Variants in EPHA3 observed in about 807,000 individuals in gnomAD.
EPHA3 encodes ephrin type-A receptor 3.
A neutral mutation model predicts 107.1 loss-of-function variants in EPHA3; 42 were observed. That is an observed-to-expected ratio of 0.39 (90% CI 0.31 to 0.51). The LOEUF (loss-of-function observed/expected upper bound fraction) is 0.51. EPHA3 is among the 20% of genes least tolerant of loss of function. EPHA3 has a pLI of 0.78. For missense variants in EPHA3, 1,183 were observed against 1,211.2 expected (o/e 0.98, Z 0.35); for synonymous variants, 461 against 424.8 (o/e 1.09, Z -1.05).
chr3:89,468,375 A>G (rs1186137821), intron 15 of EPHA3, among the ~76,000 whole-genome samples: 1 of 152,084 alleles, frequency 6.6e-6, no homozygotes, highest in Non-Finnish European at 1.5e-5. Flanking sequence ...AATTTTCTCT[A>G]AACTCTTGTT....
At chr3:89,342,858 TACAC>T (rs144807058) in intron 5 of EPHA3, among the ~76,000 whole-genome samples, 3,965 of 139,268 alleles carry the variant, frequency 0.028, 77 homozygotes, top group African/African-American at 0.057. Flanking sequence ...TTTTTACACA[TACAC>T]ACACACACAC....
At chr3:89,225,784 A>G (rs533917444) in intron 3 of EPHA3, among the ~76,000 whole-genome samples, 2 of 152,270 alleles carry the variant, frequency 1.3e-5, no homozygotes, top group African/African-American at 4.8e-5. Context: ...GAAAGTTGAA[A>G]GGGGTAAAGA....
intron 2 of EPHA3, among the ~76,000 whole-genome samples, chr3:89,149,991 G>A (rs1347976242): frequency 2.0e-5 from 3 of 151,954 alleles, no homozygotes; most frequent in Non-Finnish European, 2.9e-5. Flanking sequence ...GTACCAGCTT[G>A]TTCTCAGGTA....
chr3:89,302,067 G>A (rs546995326), intron 3 of EPHA3, among the ~76,000 whole-genome samples: 4 of 152,130 alleles, frequency 2.6e-5, no homozygotes, highest in African/African-American at 7.2e-5. Context: ...TTATTTCATG[G>A]ATAAATAAAT....
intron 3 of EPHA3, among the ~76,000 whole-genome samples, chr3:89,335,090 A>G (rs1707366343): frequency 6.6e-6 from 1 of 152,212 alleles, no homozygotes; most frequent in Non-Finnish European, 1.5e-5. Flanking sequence ...TTTTATTACT[A>G]TAAGACACAA....
At chr3:89,165,793 C>CCTT in intron 2 of EPHA3, among the ~76,000 whole-genome samples, 1 of 152,268 alleles carries the variant, frequency 6.6e-6, no homozygotes, top group East Asian at 1.9e-4. Context: ...TGATAAAGGC[C>CCTT]CCTGCCGTTC....
chr3:89,390,836 G>T (rs2107498022), intron 5 of EPHA3, among the ~76,000 whole-genome samples: 1 of 148,610 alleles, frequency 6.7e-6, no homozygotes, highest in Admixed American at 6.7e-5. Flanking sequence ...CCAGGCTGGA[G>T]TGCAATGACA....
At chr3:89,234,308 G>T (rs1361886626) in intron 3 of EPHA3, among the ~76,000 whole-genome samples, 1 of 152,040 alleles carries the variant, frequency 6.6e-6, no homozygotes, top group African/African-American at 2.4e-5. Flanking sequence ...AAACATTCTG[G>T]TGTTACTCAT....
chr3:89,229,055 A>G (rs1464656968), intron 3 of EPHA3, among the ~76,000 whole-genome samples: 2 of 151,936 alleles, frequency 1.3e-5, no homozygotes, highest in Non-Finnish European at 2.9e-5. Context: ...CCTATTTTCT[A>G]CAGAAAAGCA....
chr3:89,399,646 G>A, intron 7 of EPHA3, 166 bp downstream of exon 7: 1 of 1,292,914 alleles, frequency 7.7e-7, no homozygotes, highest in Non-Finnish European at 9.8e-7. Context: ...TACAGTATTT[G>A]TGTTTGTGTG....
At chr3:89,401,547 A>G (rs1398561416) in intron 7 of EPHA3, among the ~76,000 whole-genome samples, 2 of 152,208 alleles carry the variant, frequency 1.3e-5, no homozygotes, top group African/African-American at 4.8e-5. Context: ...ACTTTTTGCA[A>G]ATGTTAAGTG....
intron 5 of EPHA3, among the ~76,000 whole-genome samples, chr3:89,390,402 C>A (rs1191141774): frequency 6.6e-6 from 1 of 152,006 alleles, no homozygotes; most frequent in East Asian, 1.9e-4. Flanking sequence ...AGTTCAAAAC[C>A]ATCCTGGTCA....
chr3:89,296,143 C>G (rs1016212895), intron 3 of EPHA3, among the ~76,000 whole-genome samples: 1 of 152,174 alleles, frequency 6.6e-6, no homozygotes, highest in Non-Finnish European at 1.5e-5. Context: ...GGATTGGAAT[C>G]AACTTCTTCC....
At chr3:89,238,250 A>T (rs1205857098) in intron 3 of EPHA3, among the ~76,000 whole-genome samples, 2 of 152,212 alleles carry the variant, frequency 1.3e-5, no homozygotes, top group Non-Finnish European at 2.9e-5. Context: ...CCAGATGGAT[A>T]TGTGAAAATA....
At chr3:89,436,848 T>C (rs1462133940) in intron 13 of EPHA3, among the ~76,000 whole-genome samples, 1 of 152,194 alleles carries the variant, frequency 6.6e-6, no homozygotes, top group Non-Finnish European at 1.5e-5. Context: ...GCTAAGATAG[T>C]ACTATACATT....
At chr3:89,345,884 G>C (rs370630907) in intron 5 of EPHA3, among the ~76,000 whole-genome samples, 4 of 141,116 alleles carry the variant, frequency 2.8e-5, no homozygotes, top group South Asian at 2.2e-4. Flanking sequence ...TTTTGTTCTT[G>C]CGATAGTTTA....
chr3:89,466,416 G>C (rs1467580903), intron 15 of EPHA3, among the ~76,000 whole-genome samples: 1 of 114,956 alleles, frequency 8.7e-6, no homozygotes, highest in African/African-American at 3.6e-5. Flanking sequence ...AATGGCGGGC[G>C]CCCCTCCCCC....
intron 15 of EPHA3, among the ~76,000 whole-genome samples, chr3:89,454,833 T>G (rs971364940): frequency 4.0e-5 from 6 of 151,414 alleles, no homozygotes; most frequent in African/African-American, 7.3e-5. Flanking sequence ...TCCCTACAAA[T>G]TTTTTTTTAA....
At chr3:89,210,864 A>T (rs78516904) in intron 3 of EPHA3, among the ~76,000 whole-genome samples, 5,264 of 152,204 alleles carry the variant, frequency 0.035, 461 homozygotes, top group Admixed American at 0.21. Context: ...AAGTTGAGAA[A>T]TCTTTAGCAC....
Sources: gnomAD v4.1 joint callset for allele counts (sites outside exome capture counted in the v4.1 genomes callset) on GRCh38, gnomAD v4.1.1 for gene constraint, MANE v1.5 for transcripts, NCBI Gene and HGNC (gene_info 2026-07-23, HGNC 2026-07-21) for gene names.